The following MYO16 variants were observed in gnomAD, a reference collection of about 807,000 sequenced individuals.
The protein encoded by MYO16 is unconventional myosin-XVI.
In MYO16, 94 loss-of-function variants were observed where a neutral mutation model predicts 205.3. That is an observed-to-expected ratio of 0.46 (90% CI 0.39 to 0.54). MYO16 has a LOEUF of 0.54. Among genes scored for constraint, MYO16 ranks in the 20% least tolerant of loss-of-function variants. The probability of loss-of-function intolerance (pLI) is 0.00; values close to 1 mark genes in which losing one functional copy is unlikely to be tolerated. For missense variants in MYO16, 2,315 were observed against 2,387.5 expected (o/e 0.97, Z 0.63); for synonymous variants, 988 against 954.0 (o/e 1.04, Z -0.66).
At chr13:108,649,200 T>C (rs1880889457) in intron 1 of MYO16, among the ~76,000 whole-genome samples, 1 of 149,786 alleles carries the variant, frequency 6.7e-6, no homozygotes, top group Non-Finnish European at 1.5e-5. Context: ...GTTGTGCACA[T>C]GTCCCCTAAA....
At chr13:108,686,405 T>C (rs1328750945) in intron 2 of MYO16, among the ~76,000 whole-genome samples, 4 of 152,212 alleles carry the variant, frequency 2.6e-5, no homozygotes, top group Non-Finnish European at 5.9e-5. Flanking sequence ...CTAAGTATTT[T>C]AAAGACAAAG....
intron 1 of MYO16, among the ~76,000 whole-genome samples, chr13:108,656,247 G>C (rs957082082): frequency 6.6e-6 from 1 of 152,118 alleles, no homozygotes; most frequent in Non-Finnish European, 1.5e-5. Flanking sequence ...TCTCGTGGTA[G>C]GGATTAATCT....
intron 1 of MYO16, among the ~76,000 whole-genome samples, chr13:108,643,673 T>G (rs551543397): frequency 2.4e-4 from 37 of 152,364 alleles, no homozygotes; most frequent in Admixed American, 5.2e-4. Flanking sequence ...TTGATGGATA[T>G]ATCACAGTGT....
At chr13:109,066,730 C>T (rs979601879) in intron 27 of MYO16, among the ~76,000 whole-genome samples, 1 of 152,134 alleles carries the variant, frequency 6.6e-6, no homozygotes. Context: ...CAGCAGAAAG[C>T]AGCGGTTGAC....
At chr13:108,742,953 T>TA (rs970599316) in intron 4 of MYO16, among the ~76,000 whole-genome samples, 13 of 152,226 alleles carry the variant, frequency 8.5e-5, no homozygotes, top group Admixed American at 8.5e-4. Context: ...CGATTTTAGA[T>TA]AAAAGGTTTC....
At chr13:108,583,176 TA>T in the MYO16 span, among the ~76,000 whole-genome samples, 9 of 152,198 alleles carry the variant, frequency 5.9e-5, no homozygotes, top group African/African-American at 1.2e-4. Context: ...CATTTCTACT[TA>T]AAAAAATCAG....
the MYO16 span, among the ~76,000 whole-genome samples, chr13:108,547,028 T>G: frequency 1.3e-5 from 2 of 152,038 alleles, no homozygotes; most frequent in Admixed American, 1.3e-4. Flanking sequence ...ATCCCAGCAC[T>G]TTGGGAGGCC....
chr13:108,503,662 G>T, the MYO16 span, among the ~76,000 whole-genome samples: 1 of 151,996 alleles, frequency 6.6e-6, no homozygotes, highest in Non-Finnish European at 1.5e-5. Flanking sequence ...CAGAAAACGG[G>T]GTAGGTCAGA....
At chr13:108,746,788 G>T (rs1019915620) in intron 4 of MYO16, among the ~76,000 whole-genome samples, 2 of 151,962 alleles carry the variant, frequency 1.3e-5, no homozygotes, top group African/African-American at 2.4e-5. Flanking sequence ...GATGCTCAGA[G>T]AACACCAGGC....
chr13:108,860,841 C>T (rs1277164122), intron 11 of MYO16, among the ~76,000 whole-genome samples: 3 of 152,000 alleles, frequency 2.0e-5, no homozygotes, highest in Non-Finnish European at 4.4e-5. Flanking sequence ...CTATAAAAAC[C>T]CAGGAAGACA....
Position 109,141,956 on chromosome 13 carries a change from C to T in MYO16, c.5164+580C>T, listed in dbSNP as rs1281965815. On this transcript the variant is annotated intron_variant, in intron 32 of 34. Transcript: ENST00000457511. The surrounding 1 kb of genome is among the most constrained non-coding windows in gnomAD (Gnocchi z 4.1). ...TCCAAGGAGCACTCTAACGCAGCCC[C>T]GTTATCTGTGTTTTCTCATCCAGCG... 6.6e-6 allele frequency among the ~76,000 whole-genome samples: 1 copy of T among 152,108 alleles called. No homozygotes were observed. Among genetic ancestry groups the T allele is most frequent in the Non-Finnish European group, 1.5e-5 (1 of 68,010 alleles).
chr13:108,971,565 T>A lies in MYO16; in HGVS notation c.2369+6663T>A, dbSNP rs114153665. ...GGGCAGCATAACTGGACTAATATAT[T>A]ATTAATAATGTTAAATATTATGTAT... On this transcript the variant is annotated intron_variant, in intron 20 of 34. Coordinates refer to ENST00000457511, the MANE Select transcript of MYO16 (RefSeq NM_001198950.3). Among the ~76,000 whole-genome samples the A allele has an allele frequency of 3.8e-3, 549 of 146,226 alleles. 3 individuals are homozygous for A. The highest frequency in any genetic ancestry group is 0.014 in the African/African-American group (529 of 36,610).
the MYO16 span, among the ~76,000 whole-genome samples, chr13:108,519,856 A>G: frequency 6.6e-6 from 1 of 152,122 alleles, no homozygotes; most frequent in Non-Finnish European, 1.5e-5. Context: ...ACATTATATA[A>G]AAAAACTGAA....
chr13:108,543,600 C>T, the MYO16 span, among the ~76,000 whole-genome samples: 2 of 147,486 alleles, frequency 1.4e-5, no homozygotes, highest in Non-Finnish European at 3.0e-5. Context: ...CGAGATTGTG[C>T]CACTGCACTC....
chr13:108,848,143 A>G (rs1877621658), intron 10 of MYO16, among the ~76,000 whole-genome samples: 1 of 152,044 alleles, frequency 6.6e-6, no homozygotes, highest in Non-Finnish European at 1.5e-5. Flanking sequence ...ATGACAGGAG[A>G]TGGATGTATT....
At chr13:108,855,090 A>G (rs1238907037) in intron 10 of MYO16, among the ~76,000 whole-genome samples, 2 of 152,210 alleles carry the variant, frequency 1.3e-5, no homozygotes, top group Non-Finnish European at 2.9e-5. Context: ...TCCACTGCTT[A>G]TCTTCCAGAG....
At chr13:109,172,224 CG>C (rs1878951902) in intron 33 of MYO16, among the ~76,000 whole-genome samples, 1 of 152,024 alleles carries the variant, frequency 6.6e-6, no homozygotes, top group African/African-American at 2.4e-5. Context: ...TTCTTTGGAA[CG>C]CATACCCTTG....
intron 6 of MYO16, among the ~76,000 whole-genome samples, chr13:108,805,349 A>G (rs1887082214): frequency 6.6e-6 from 1 of 152,182 alleles, no homozygotes; most frequent in African/African-American, 2.4e-5. Context: ...ATAAACATAT[A>G]TTTACACTCC....
chr13:108,599,965 G>A (rs995328379), intron 1 of MYO16, among the ~76,000 whole-genome samples: 6 of 152,080 alleles, frequency 3.9e-5, no homozygotes, highest in Admixed American at 6.6e-5. Context: ...TCAATTCCAC[G>A]TCCAGTAATT....
Sources: allele counts gnomAD v4.1 joint callset (sites outside exome capture counted in the v4.1 genomes callset), GRCh38; gene constraint gnomAD v4.1.1; non-coding constraint Gnocchi (gnomAD v3.1); transcripts MANE v1.5; gene names NCBI Gene and HGNC (gene_info 2026-07-23, HGNC 2026-07-21).